The following ITIH3 variants were observed in gnomAD, a reference collection of about 807,000 sequenced individuals.
ITIH3 encodes inter-alpha-trypsin inhibitor heavy chain 3.
In ITIH3, 81 loss-of-function variants were observed where a neutral mutation model predicts 96.5. The ratio of observed to expected loss-of-function variants is 0.84; its 90% CI spans 0.70 to 1.01. The LOEUF is 1.01. Among genes scored for constraint, ITIH3 ranks in the 50% least tolerant of loss-of-function variants. The pLI, the probability that ITIH3 is intolerant of heterozygous loss-of-function variation, is 0.00. For missense variants in ITIH3, 1,057 were observed against 1,139.3 expected, an observed-to-expected ratio of 0.93 and a Z score of 1.04; for synonymous variants, 422 against 445.2, an observed-to-expected ratio of 0.95 and a Z score of 0.66.
intron 15 of ITIH3, chr3:52,804,980 T>A: frequency 3.7e-6 from 2 of 543,452 alleles, no homozygotes; most frequent in Non-Finnish European, 6.7e-6. Flanking sequence ...ATCTATGACC[T>A]GCAAAAATGA....
At chr3:52,801,698 A>G (rs1004314510) in intron 11 of ITIH3, among the ~76,000 whole-genome samples, 1 of 152,206 alleles carries the variant, frequency 6.6e-6, no homozygotes. Flanking sequence ...AAGGACATCA[A>G]TCATATTGGA....
Position 52,800,358 on chromosome 3 carries a change from G to GT in ITIH3, c.1076-177dup, listed in dbSNP as rs1699775784. On this transcript the variant is annotated intron_variant, in intron 9 of 21. Transcript: ENST00000449956. Reference sequence around the variant, plus strand: ...TCATCCCCATTTGAAAGTGGAAGTTGTTTGTTTGTTTGTTCATGTGGTGGT... The same window carrying GT: ...TCATCCCCATTTGAAAGTGGAAGTTGTTTTGTTTGTTTGTTCATGTGGTGGT... The GT allele has an allele frequency of 7.8e-6, 5 of 644,936 alleles. No individual in the cohort carries two copies. The Admixed American group carries it at 9.2e-5, about 12-fold the overall frequency. The allele number at this position is 644,936 out of a possible 1,614,324, so 40.0% of individuals were successfully genotyped here.
At chr3:52,799,139 G>A (rs577790534) in intron 7 of ITIH3, 48 bp downstream of exon 7, 11 of 1,602,906 alleles carry the variant, frequency 6.9e-6, no homozygotes, top group East Asian at 2.2e-5. Context: ...AGGGCTGGTC[G>A]GGCGGGGGCT....
At chr3:52,804,687 T>G (rs760573205) in intron 14 of ITIH3, 39 bp from the exon 15 acceptor site, 4 of 1,569,548 alleles carry the variant, frequency 2.5e-6, no homozygotes, top group Admixed American at 3.7e-5. Flanking sequence ...CTATGGCTTC[T>G]AATGCATTTC....
rs922564713 is a variant in ITIH3 at position 52,801,139 on chromosome 3, A to G, written c.1376A>G (p.Gln459Arg). 3 of 1,573,602 alleles carry G rather than the reference A, an allele frequency of 1.9e-6. No homozygotes were observed. In the African/African-American group the frequency reaches 4.1e-5, roughly 21 times the overall value. ...RIYEDSDADL[Q>R]LQGFYEEVAN... The stretch of plus-strand genomic sequence containing the variant: ...TATGAGGACTCTGATGCCGATTTGC[A>G]GTTGCAGGTATGCCTTGTCTTGCAC... The change falls in exon 11 of 22, where the codon CAG becomes CGG. Residue 459 changes from glutamine (Q) to arginine (R), a missense_variant. Physicochemically the swap from Gln to Arg is conservative, Grantham distance 43. Transcript: ENST00000449956.
intron 4 of ITIH3, 112 bp from the exon 5 acceptor site, chr3:52,796,993 C>T (rs2240920): frequency 0.34 from 453,689 of 1,345,014 alleles, 78,869 homozygotes; most frequent in Admixed American, 0.48. Context: ...GCAAGTGAGG[C>T]TCAGAATGGT....
intron 17 of ITIH3, 45 bp downstream of exon 17, chr3:52,806,183 C>T (rs756843144): frequency 1.4e-5 from 23 of 1,598,096 alleles, no homozygotes; most frequent in South Asian, 7.8e-5. Context: ...GGCCTGGGCA[C>T]GTGCTCCTGC....
At position 52,806,944 on chromosome 3, in the gene ITIH3, C is replaced by T. The variant is rs1334535158; in HGVS notation, c.2100C>T (p.Ser700=). The T allele has an allele frequency of 1.9e-6, 3 of 1,592,474 alleles. No individual in the cohort carries two copies. The highest frequency in any genetic ancestry group is 2.6e-6 in the Non-Finnish European group (3 of 1,169,630). ...AGATCACTGGCGACAAGAGAGGCAGCCCTGACTCCAAGACCAGAAAGACTT... is the reference window on the plus strand; with the variant it reads ...AGATCACTGGCGACAAGAGAGGCAGTCCTGACTCCAAGACCAGAAAGACTT... The part of the protein sequence containing the change: ...NGQITGDKRG[S]PDSKTRKTYF... The change falls in exon 19 of 22, where the codon AGC becomes AGT. Residue 700 remains serine (S), a synonymous_variant. Transcript: ENST00000449956.
At position 52,807,761 on chromosome 3, in the gene ITIH3, T is replaced by A. The variant is rs566350837; in HGVS notation, c.2276T>A (p.Ile759Asn). 2.5e-4 allele frequency: 406 copies of A among 1,611,188 alleles called. 5 individuals are homozygous for A. In the South Asian group the frequency reaches 4.4e-3, roughly 17 times the overall value. ...TVTQDGLSMM[I>N]NRKNMVVSFG... ...TCCTCTCGTAGGCTGTCCATGATGA[T>A]CAACAGGAAGAACATGGTGGTCTCC... Residue 759 changes from isoleucine to asparagine, a missense_variant, in exon 20 of 22, where the codon ATC becomes AAC. By Grantham distance (149) the Ile-to-Asn change is moderately radical (BLOSUM62 -3). Coordinates refer to ENST00000449956, the MANE Select transcript of ITIH3 (RefSeq NM_002217.4).
intron 11 of ITIH3, 89 bp from the exon 12 acceptor site, chr3:52,802,245 G>A: frequency 2.9e-6 from 4 of 1,392,450 alleles, no homozygotes; most frequent in Non-Finnish European, 3.9e-6. Flanking sequence ...CATTAGGACG[G>A]GCCCAGCCCT....
At position 52,808,147 on chromosome 3, in the gene ITIH3, C is replaced by T; in HGVS notation, c.2469C>T (p.Asp823=). The stretch of plus-strand genomic sequence containing the variant: ...AACCCTTTGACTTTAAAGTGTCTGA[C>T]ATCCGGCCAGGCTCTGACCCCACAA... The part of the protein sequence containing the change: ...FFQPFDFKVS[D]IRPGSDPTKP... Residue 823 remains aspartate, a synonymous_variant, in exon 21 of 22, where the codon GAC becomes GAT. Transcript: ENST00000449956. 3 of 1,614,218 alleles carry T rather than the reference C, an allele frequency of 1.9e-6. No individual in the cohort carries two copies. The highest frequency in any genetic ancestry group is 1.3e-5 in the African/African-American group (1 of 75,074).
In ITIH3 at chr3:52,799,405, C is replaced by A. The variant is rs370980347; in HGVS notation, c.823C>A (p.Pro275Thr). ...VNGYFVHFFA[P>T]QGLPVVPKNV... Reference sequence around the variant, plus strand: ...TGGCTACTTCGTGCACTTCTTTGCACCTCAAGGCCTTCCAGTGGTGCCTAA... The same window carrying A: ...TGGCTACTTCGTGCACTTCTTTGCAACTCAAGGCCTTCCAGTGGTGCCTAA... Residue 275 changes from proline to threonine, a missense_variant, in exon 8 of 22, where the codon CCT becomes ACT. Physicochemically the swap from Pro to Thr is conservative, Grantham distance 38 (BLOSUM62 -1). Transcript: ENST00000449956. 1 of 1,610,928 alleles carries A rather than the reference C, an allele frequency of 6.2e-7. No homozygotes were observed. Among genetic ancestry groups the A allele is most frequent in the Admixed American group, 1.7e-5 (1 of 59,334 alleles).
chr3:52,807,591 G>A (rs541416025), intron 19 of ITIH3, among the ~76,000 whole-genome samples, 156 bp from the exon 20 acceptor site: 1 of 152,344 alleles, frequency 6.6e-6, no homozygotes, highest in African/African-American at 2.4e-5. Flanking sequence ...CAGTGTGCAT[G>A]AGGCATCCTC....
chr3:52,797,801 A>T lies in ITIH3; in HGVS notation c.550-16A>T. The T allele has an allele frequency of 6.5e-7, 1 of 1,542,390 alleles. No individual in the cohort carries two copies. Among genetic ancestry groups the T allele is most frequent in the Non-Finnish European group, 8.9e-7 (1 of 1,126,860 alleles). On this transcript the variant is annotated splice_polypyrimidine_tract_variant and intron_variant, in intron 5 of 21. Coordinates refer to ENST00000449956, the MANE Select transcript of ITIH3 (RefSeq NM_002217.4). ...TGAGGTCACTGAGTGACATTTCCTT[A>T]CTTTGGCCATTTCAGATCGAGGTAG...
At chr3:52,800,323 C>T (rs1699774485) in intron 9 of ITIH3, 1 of 602,202 alleles carries the variant, frequency 1.7e-6, no homozygotes, top group Non-Finnish European at 2.9e-6. Context: ...TCGTCTTCAC[C>T]ATGTGCCTTT....
chr3:52,801,195 T>C, intron 11 of ITIH3, 49 bp downstream of exon 11: 1 of 1,442,972 alleles, frequency 6.9e-7, no homozygotes, highest in Non-Finnish European at 9.2e-7. Context: ...CACTACTTCC[T>C]CAGACAGCTG....
chr3:52,800,081 AAT>A (rs1304120653), intron 9 of ITIH3, among the ~76,000 whole-genome samples, 160 bp downstream of exon 9: 2 of 152,132 alleles, frequency 1.3e-5, no homozygotes, highest in African/African-American at 4.8e-5. Context: ...TTGAAGACAG[AAT>A]ATCGGCTGTC....
chr3:52,796,217 A>C (rs916949446), intron 2 of ITIH3, among the ~76,000 whole-genome samples: 1 of 152,186 alleles, frequency 6.6e-6, no homozygotes, highest in African/African-American at 2.4e-5. Context: ...TGGACGGGAA[A>C]GGGCAAGCTC....
At position 52,797,866 on chromosome 3, in the gene ITIH3, A is replaced by G. The variant is rs762224522; in HGVS notation, c.599A>G (p.Glu200Gly). ...EPQGISMLDA[E>G]ASFITNDLLG... ...CAGGGAATCAGCATGCTGGATGCTGAGGCCTCTTTCATCACCAACGACCTC... is the reference window on the plus strand; with the variant it reads ...CAGGGAATCAGCATGCTGGATGCTGGGGCCTCTTTCATCACCAACGACCTC... The change falls in exon 6 of 22, where the codon GAG (glutamate) becomes GGG (glycine). Residue 200 changes from glutamate (E) to glycine (G), a missense_variant. Transcript: ENST00000449956. 2 of 1,610,278 alleles carry G rather than the reference A, an allele frequency of 1.2e-6. No individual in the cohort carries two copies. Among genetic ancestry groups the G allele is most frequent in the Non-Finnish European group, 1.7e-6 (2 of 1,178,622 alleles).
Sources: gnomAD v4.1 joint callset for allele counts (sites outside exome capture counted in the v4.1 genomes callset) on GRCh38, gnomAD v4.1.1 for gene constraint, MANE v1.5 for transcripts, NCBI Gene and HGNC (gene_info 2026-07-23, HGNC 2026-07-21) for gene names.